The following FCAR variants were observed in gnomAD, a reference collection of about 807,000 sequenced individuals.
FCAR encodes immunoglobulin alpha Fc receptor.
FCAR carries 21 observed loss-of-function variants against 27.1 expected under a neutral mutation model. The ratio of observed to expected loss-of-function variants is 0.77; its 90% CI spans 0.55 to 1.11. The LOEUF (loss-of-function observed/expected upper bound fraction) is 1.11, where lower values mean the gene tolerates loss of function less well. Among genes scored for constraint, FCAR ranks in the 50% most tolerant of loss-of-function variants. The pLI is 0.00. For synonymous variants in FCAR, 134 were observed against 135.8 expected (o/e 0.99, Z 0.09); for missense variants, 404 against 358.4 (o/e 1.13, Z -1.03).
At position 54,874,331 on chromosome 19, in the gene FCAR, T is replaced by C; in HGVS notation, c.34+8T>C. ...CCACCCTCCTGTGTCTTGGTGAGTT[T>C]CAGAGTAAAAGTGGGTTAGAGGGGA... On this transcript the variant is annotated splice_region_variant and intron_variant, in intron 1 of 4. Transcript: ENST00000355524. 1 of 1,614,148 alleles carries C rather than the reference T, an allele frequency of 6.2e-7. No homozygotes were observed. The highest frequency in any genetic ancestry group is 8.5e-7 in the Non-Finnish European group (1 of 1,179,982).
At chr19:54,887,924 AT>A (rs2066835417) in intron 3 of FCAR, 82 bp from the exon 4 acceptor site, 2 of 1,157,104 alleles carry the variant, frequency 1.7e-6, no homozygotes, top group Non-Finnish European at 2.4e-6. Context: ...TCTCAAAAAA[AT>A]ATATAATAAT....
chr19:54,885,465 C>T lies in FCAR; in HGVS notation c.301C>T (p.Gln101Ter). Residue 101 changes from glutamine to a stop codon, truncating the protein, a stop_gained, in exon 3 of 5, where the codon CAA becomes TAA. Coordinates refer to ENST00000355524, the MANE Select transcript of FCAR (RefSeq NM_002000.4). LOFTEE classifies it high-confidence loss of function. Reference protein sequence around the residue: ...DANKAGRYQCQYRIGHYRFRY... With the variant: ...DANKAGRYQC ...AAACAAGGCAGGGCGCTATCAGTGC[C>T]AATATAGGATAGGGCACTACAGGTT... 6.2e-7 allele frequency: 1 copy of T among 1,613,470 alleles called. No homozygotes were observed. Among genetic ancestry groups the T allele is most frequent in the Non-Finnish European group, 8.5e-7 (1 of 1,179,466 alleles).
chr19:54,883,423 GC>G (rs1299683071), intron 2 of FCAR, among the ~76,000 whole-genome samples: 2 of 152,054 alleles, frequency 1.3e-5, no homozygotes, highest in East Asian at 3.9e-4. Context: ...GGATTGTTCT[GC>G]CCACGGGGCT....
intron 3 of FCAR, among the ~76,000 whole-genome samples, chr19:54,887,529 G>T (rs1485329633): frequency 6.6e-6 from 1 of 151,988 alleles, no homozygotes; most frequent in Admixed American, 6.6e-5. Flanking sequence ...GCTGAGGCAG[G>T]AGACTCACTT....
Position 54,890,238 on chromosome 19 carries a change from G to A in FCAR, c.*375G>A, listed in dbSNP as rs1178212857. ...CAAAGTGCTGAGATTATAGGCATGAGCCACCACGCCTGGCCAGATGCATGT... is the reference window on the plus strand; with the variant it reads ...CAAAGTGCTGAGATTATAGGCATGAACCACCACGCCTGGCCAGATGCATGT... On this transcript the variant is annotated 3_prime_UTR_variant, in exon 5 of 5. Transcript: ENST00000355524. 1 of 268,652 alleles carries A rather than the reference G, an allele frequency of 3.7e-6. No homozygotes were observed. Among genetic ancestry groups the A allele is most frequent in the African/African-American group, 2.2e-5 (1 of 44,834 alleles). 16.6% of individuals were successfully genotyped at this position (268,652 alleles called of 1,614,324 possible).
chr19:54,877,056 T>C (rs1321001200), intron 2 of FCAR, among the ~76,000 whole-genome samples: 1 of 152,152 alleles, frequency 6.6e-6, no homozygotes, highest in Non-Finnish European at 1.5e-5. Flanking sequence ...TGTCCTGAAG[T>C]TTTCTGGTTT....
intron 4 of FCAR, 85 bp downstream of exon 4, chr19:54,888,379 G>A: frequency 6.5e-7 from 1 of 1,547,528 alleles, no homozygotes; most frequent in Non-Finnish European, 8.7e-7. Flanking sequence ...CGTGCACTGA[G>A]AGTGAAGTGA....
At chr19:54,877,604 T>C (rs2066168182) in intron 2 of FCAR, among the ~76,000 whole-genome samples, 1 of 152,204 alleles carries the variant, frequency 6.6e-6, no homozygotes, top group African/African-American at 2.4e-5. Flanking sequence ...AGCTCAGCTC[T>C]GATTTTGGTT....
chr19:54,885,454 G>A lies in FCAR; in HGVS notation c.290G>A (p.Arg97His), dbSNP rs191759522. The change falls in exon 3 of 5, where the codon CGC becomes CAC. Residue 97 changes from arginine to histidine, a missense_variant. Transcript: ENST00000355524. ...CACATGGACGCAAACAAGGCAGGGC[G>A]CTATCAGTGCCAATATAGGATAGGG... ...IDHMDANKAG[R>H]YQCQYRIGHY... 42 of 1,613,136 alleles carry A rather than the reference G, an allele frequency of 2.6e-5. No homozygotes were observed. Among genetic ancestry groups the A allele is most frequent in the Admixed American group, 5.0e-5 (3 of 60,016 alleles).
chr19:54,874,386 GTCTCTTAACA>G, intron 1 of FCAR, 63 bp downstream of exon 1: 1 of 1,520,576 alleles, frequency 6.6e-7, no homozygotes, highest in Non-Finnish European at 9.1e-7. Context: ...TAATCAGGGT[GTCTCTTAACA>G]GTGTGACTAG....
chr19:54,888,165 C>T lies in FCAR; in HGVS notation c.520C>T (p.His174Tyr). ...LSLPQHQSGE[H>Y]PANFSLGPVD... ...TCTGCCACAGCACCAAAGTGGGGAA[C>T]ACCCGGCCAACTTCTCTTTGGGTCC... The change falls in exon 4 of 5, where the codon CAC (histidine) becomes TAC (tyrosine). Residue 174 changes from histidine (H) to tyrosine (Y), a missense_variant. By Grantham distance (83) the His-to-Tyr change is moderately conservative. Transcript: ENST00000355524. 6.2e-7 allele frequency: 1 copy of T among 1,614,178 alleles called. No homozygotes were observed. Among genetic ancestry groups the T allele is most frequent in the Non-Finnish European group, 8.5e-7 (1 of 1,180,024 alleles).
chr19:54,883,041 C>T (rs1220692313), intron 2 of FCAR, among the ~76,000 whole-genome samples: 1 of 152,120 alleles, frequency 6.6e-6, no homozygotes, highest in Non-Finnish European at 1.5e-5. Context: ...GGGTCTTGTT[C>T]TGTCGCCCAG....
chr19:54,881,130 C>T (rs75030863), intron 2 of FCAR, among the ~76,000 whole-genome samples: 2,087 of 152,218 alleles, frequency 0.014, 39 homozygotes, highest in African/African-American at 0.047. Context: ...TTTCACTTGT[C>T]CCTTGGAACT....
intron 2 of FCAR, among the ~76,000 whole-genome samples, chr19:54,881,880 CAAATAAATAAATAAATAAATAAATAAAT>C (rs59590774): frequency 7.7e-5 from 10 of 129,536 alleles, no homozygotes; most frequent in African/African-American, 1.2e-4. Flanking sequence ...GACTCCGTCT[CAAATAAATAAATAAATAAATAAATAAAT>C]AAATAAATAA....
chr19:54,885,506 C>T lies in FCAR; in HGVS notation c.342C>T (p.Thr114=). 2 of 1,611,930 alleles carry T rather than the reference C, an allele frequency of 1.2e-6. No individual in the cohort carries two copies. The highest frequency in any genetic ancestry group is 1.7e-6 in the Non-Finnish European group (2 of 1,178,040). Residue 114 remains threonine (T), a synonymous_variant, in exon 3 of 5, where the codon ACC becomes ACT. Transcript: ENST00000355524. ...IGHYRFRYSD[T]LELVVTGLYG... is the part of the protein sequence containing the mutation. ...ACTACAGGTTCCGGTACAGTGACAC[C>T]CTGGAGCTGGTAGTGACAGGTAAGG...
At chr19:54,882,292 TCTC>T (rs1292928190) in intron 2 of FCAR, among the ~76,000 whole-genome samples, 7 of 152,316 alleles carry the variant, frequency 4.6e-5, no homozygotes, top group Non-Finnish European at 7.3e-5. Flanking sequence ...GTTTCAAATT[TCTC>T]CTCAATTTCG....
At chr19:54,889,039 G>A in intron 4 of FCAR, 1 of 249,576 alleles carries the variant, frequency 4.0e-6, no homozygotes, top group Non-Finnish European at 6.3e-6. Context: ...TTGCACTCCA[G>A]CCTGGGTGAC....
chr19:54,884,020 G>A (rs587733405), intron 2 of FCAR, among the ~76,000 whole-genome samples: 2 of 152,300 alleles, frequency 1.3e-5, no homozygotes, highest in African/African-American at 4.8e-5. Context: ...AGGCAGAAGG[G>A]GGTCTGCAGC....
At position 54,888,775 on chromosome 19, in the gene FCAR, G is replaced by A. The variant is rs371644007; in HGVS notation, c.649+481G>A. 3.7e-5 allele frequency: 36 copies of A among 985,736 alleles called. No homozygotes were observed. The East Asian group carries it at 3.5e-3, about 96-fold the overall frequency. The allele number at this position is 985,736 out of a possible 1,614,324, so 61.1% of individuals were successfully genotyped here. A position where few individuals can be genotyped will look rare whatever the true frequency, so the allele number is the denominator to read the frequency against. Reference sequence around the variant, plus strand: ...CCTGCCTCGGCCTCCCAAAGTGCTGGGATTACAGGCGTGAGCCACCGCGCC... The same window carrying A: ...CCTGCCTCGGCCTCCCAAAGTGCTGAGATTACAGGCGTGAGCCACCGCGCC... On this transcript the variant is annotated intron_variant, in intron 4 of 4. Transcript: ENST00000355524.
Sources: allele counts gnomAD v4.1 joint callset (sites outside exome capture counted in the v4.1 genomes callset), GRCh38; gene constraint gnomAD v4.1.1; transcripts MANE v1.5; gene names NCBI Gene and HGNC (gene_info 2026-07-23, HGNC 2026-07-21).